The following LINGO1 variants were observed in gnomAD, a reference collection of about 807,000 sequenced individuals.
LINGO1 encodes leucine rich repeat and Ig domain containing 1.
A neutral mutation model predicts 37.3 loss-of-function variants in LINGO1; 11 were observed. That is an observed-to-expected ratio of 0.29 (90% confidence interval 0.19 to 0.49). The LOEUF (loss-of-function observed/expected upper bound fraction) is 0.49, where lower values mean the gene tolerates loss of function less well. LINGO1 is among the 20% of genes least tolerant of loss of function. The pLI is 0.99. For missense variants in LINGO1, 585 were observed against 878.2 expected (o/e 0.67, Z 4.22); for synonymous variants, 387 against 403.0 (o/e 0.96, Z 0.48).
chr15:77,614,750 C>G lies in LINGO1; in HGVS notation c.1157G>C (p.Arg386Pro). 6.2e-7 allele frequency: 1 copy of G among 1,605,816 alleles called. No homozygotes were observed. Among genetic ancestry groups the G allele is most frequent in the Non-Finnish European group, 8.5e-7 (1 of 1,176,342 alleles). The change falls in exon 2 of 2, where the codon CGG becomes CCG. Residue 386 changes from arginine (R) to proline (P), a missense_variant. By Grantham distance (103) the Arg-to-Pro change is moderately radical. Coordinates refer to ENST00000355300, the MANE Select transcript of LINGO1 (RefSeq NM_032808.7). ...RLLWVFRRRWRLNFNRQQPTC... is the reference protein window; with the variant it reads ...RLLWVFRRRWPLNFNRQQPTC... ...GGGCTGCTGCCGGTTGAAGTTGAGC[C>G]GCCAGCGGCGCCGGAACACCCACAG...
chr15:77,810,494 G>A (rs950560735), intron 1 of LINGO1, among the ~76,000 whole-genome samples: 10 of 152,312 alleles, frequency 6.6e-5, no homozygotes, highest in Admixed American at 1.3e-4. Context: ...TGTACCCAGG[G>A]GAGCACTAGT....
At chr15:77,742,942 C>T (rs1045969501) in intron 1 of LINGO1, among the ~76,000 whole-genome samples, 1 of 152,240 alleles carries the variant, frequency 6.6e-6, no homozygotes, top group Non-Finnish European at 1.5e-5. Flanking sequence ...TTCCACGATG[C>T]TCCAAGAAAG....
At position 77,794,611 on chromosome 15, in the gene LINGO1, G is replaced by A. The variant is rs183487994; in HGVS notation, c.-343+1328C>T. 2.9e-3 allele frequency among the ~76,000 whole-genome samples: 382 copies of A among 133,488 alleles called. 5 individuals are homozygous for A. The highest frequency in any genetic ancestry group is 2.8e-3 in the Non-Finnish European group (177 of 64,278). 87.6% of individuals were successfully genotyped at this position (133,488 alleles called of 152,430 possible). A position where few individuals can be genotyped will look rare whatever the true frequency, so the allele number is the denominator to read the frequency against. Reference sequence around the variant, plus strand: ...ATATATTTTTTTTTTTTTTTGAGACGGAGTCTCGCTCTGTCGCCCAGGCTG... The same window carrying A: ...ATATATTTTTTTTTTTTTTTGAGACAGAGTCTCGCTCTGTCGCCCAGGCTG... On this transcript the variant is annotated intron_variant, in intron 2 of 5. Coordinates refer to the LINGO1 transcript ENST00000562933.
chr15:77,808,818 G>T (rs2076980687), intron 1 of LINGO1, among the ~76,000 whole-genome samples: 1 of 152,148 alleles, frequency 6.6e-6, no homozygotes, highest in Non-Finnish European at 1.5e-5. Flanking sequence ...AAAGCATCTG[G>T]CACTGTGCCC....
upstream of LINGO1, among the ~76,000 whole-genome samples, chr15:77,638,588 C>A (rs1357867210): frequency 1.3e-5 from 2 of 152,172 alleles, no homozygotes; most frequent in African/African-American, 4.8e-5. Flanking sequence ...TCATTAAGCG[C>A]TTGCCTTAAG....
At position 77,615,269 on chromosome 15, in the gene LINGO1, T is replaced by C; in HGVS notation, c.638A>G (p.His213Arg). 6 of 1,613,742 alleles carry C rather than the reference T, an allele frequency of 3.7e-6. No homozygotes were observed. The highest frequency in any genetic ancestry group is 5.1e-6 in the Non-Finnish European group (6 of 1,179,858). ...LTSIPTEALS[H>R]LHGLIVLRLR... ...CCTCAGGACGATGAGGCCGTGCAGG[T>C]GGGACAGCGCCTCGGTGGGGATGGA... is the stretch of plus-strand genomic sequence containing the variant. Residue 213 changes from histidine to arginine, a missense_variant, in exon 2 of 2, where the codon CAC (histidine) becomes CGC (arginine). Around this residue, in one of 4 missense-constraint regions of LINGO1, gnomAD observed 484 missense variants for 735.0 expected, o/e 0.66. Coordinates refer to ENST00000355300, the MANE Select transcript of LINGO1 (RefSeq NM_032808.7).
Position 77,614,804 on chromosome 15 carries a change from G to C in LINGO1, c.1103C>G (p.Ser368Cys). 6.2e-7 allele frequency: 1 copy of C among 1,610,988 alleles called. No individual in the cohort carries two copies. The highest frequency in any genetic ancestry group is 8.5e-7 in the Non-Finnish European group (1 of 1,178,678). ...VGNLETLILD[S>C]NPLACDCRLL... ...CCGACAGTCGCAGGCCAGCGGGTTG[G>C]AGTCCAGGATGAGTGTCTCCAGGTT... is the stretch of plus-strand genomic sequence containing the variant. Residue 368 changes from serine to cysteine, a missense_variant, in exon 2 of 2, where the codon TCC (serine) becomes TGC (cysteine). Physicochemically the swap from Ser to Cys is moderately radical, Grantham distance 112 (BLOSUM62 -1). Around this residue, in one of 4 missense-constraint regions of LINGO1, gnomAD observed 484 missense variants for 735.0 expected, o/e 0.66. Transcript: ENST00000355300.
At chr15:77,758,741 A>C (rs561489894) in intron 1 of LINGO1, among the ~76,000 whole-genome samples, 6 of 151,962 alleles carry the variant, frequency 3.9e-5, no homozygotes, top group African/African-American at 1.4e-4. Context: ...TGCCTCCTAT[A>C]TGGGGGTTTT....
At chr15:77,751,910 C>T (rs2076375797) in intron 1 of LINGO1, among the ~76,000 whole-genome samples, 1 of 152,210 alleles carries the variant, frequency 6.6e-6, no homozygotes, top group African/African-American at 2.4e-5. Flanking sequence ...TCCCAAGTCC[C>T]CCCTGTGTGC....
chr15:77,763,051 C>A (rs1437227551), intron 1 of LINGO1, among the ~76,000 whole-genome samples: 1 of 152,210 alleles, frequency 6.6e-6, no homozygotes, highest in Admixed American at 6.5e-5. Flanking sequence ...GAGGTGCCCA[C>A]CCCGCCCTCG....
intron 3 of LINGO1, among the ~76,000 whole-genome samples, chr15:77,652,483 A>AGTGTGTGTGT (rs773433884): frequency 0.075 from 9,657 of 128,776 alleles, 490 homozygotes; most frequent in African/African-American, 0.099. Flanking sequence ...GGGGAGGGAG[A>AGTGTGTGTGT]GTGTGTGTGT....
chr15:77,647,981 G>C, intron 3 of LINGO1: 1 of 454,006 alleles, frequency 2.2e-6, no homozygotes, highest in Non-Finnish European at 4.4e-6. Context: ...CTATTTCCTT[G>C]CCTCCTTCTT....
At chr15:77,775,502 G>A (rs1004252938) in intron 1 of LINGO1, among the ~76,000 whole-genome samples, 1 of 152,156 alleles carries the variant, frequency 6.6e-6, no homozygotes, top group African/African-American at 2.4e-5. Context: ...GGTGGCTGAA[G>A]GCCAGCTCCT....
chr15:77,662,425 C>T (rs918858991), intron 3 of LINGO1, among the ~76,000 whole-genome samples: 1 of 152,144 alleles, frequency 6.6e-6, no homozygotes, highest in African/African-American at 2.4e-5. Flanking sequence ...ATGAGGTTCT[C>T]AAAGAGGGAA....
chr15:77,756,421 A>G (rs951707202), intron 1 of LINGO1, among the ~76,000 whole-genome samples: 2 of 152,164 alleles, frequency 1.3e-5, no homozygotes, highest in African/African-American at 4.8e-5. Flanking sequence ...ACACAATGAC[A>G]CACACTCACA....
At chr15:77,810,812 G>A (rs1318173504) in intron 1 of LINGO1, among the ~76,000 whole-genome samples, 3 of 152,200 alleles carry the variant, frequency 2.0e-5, no homozygotes, top group Non-Finnish European at 4.4e-5. Flanking sequence ...GGGAAGCCCA[G>A]GGAGACCTGT....
chr15:77,622,436 C>T (rs561051617), intron 1 of LINGO1, among the ~76,000 whole-genome samples: 111 of 152,238 alleles, frequency 7.3e-4, no homozygotes, highest in African/African-American at 2.5e-3. Flanking sequence ...AACACAGCCC[C>T]GTCCCGGCCA....
intron 2 of LINGO1, among the ~76,000 whole-genome samples, chr15:77,716,415 G>C (rs930534378): frequency 6.7e-6 from 1 of 148,890 alleles, no homozygotes; most frequent in African/African-American, 2.4e-5. Context: ...CAAGTAGCTA[G>C]GACTACAGGT....
intron 3 of LINGO1, among the ~76,000 whole-genome samples, chr15:77,668,359 A>T (rs192780394): frequency 6.6e-6 from 1 of 152,266 alleles, no homozygotes; most frequent in East Asian, 1.9e-4. Flanking sequence ...GCTTGACTCA[A>T]ATGTGTAGTT....
Sources: gnomAD v4.1 joint callset for allele counts (sites outside exome capture counted in the v4.1 genomes callset) on GRCh38, gnomAD v4.1.1 for gene constraint, gnomAD v4.1.1 regional missense constraint, MANE v1.5 for transcripts, NCBI Gene and HGNC (gene_info 2026-07-23, HGNC 2026-07-21) for gene names.